GABRB2: variants seen among roughly 807,000 people sequenced by gnomAD.
GABRB2 encodes gamma-aminobutyric acid type A receptor subunit beta2, also known as gamma-aminobutyric acid receptor subunit beta-2.
In GABRB2, 16 loss-of-function variants were observed where a neutral mutation model predicts 54.7. That is an observed-to-expected ratio of 0.29 (90% CI 0.20 to 0.44). The LOEUF is 0.44. Among genes scored for constraint, GABRB2 ranks in the 20% least tolerant of loss-of-function variants. The probability of loss-of-function intolerance (pLI) is 1.00; values close to 1 mark genes in which losing one functional copy is unlikely to be tolerated. For synonymous variants in GABRB2, 244 were observed against 233.8 expected (o/e 1.04, Z -0.40); for missense variants, 355 against 644.0 (o/e 0.55, Z 4.86).
chr5:161,314,205 G>T (rs1310589134), intron 9 of GABRB2, among the ~76,000 whole-genome samples: 1 of 152,202 alleles, frequency 6.6e-6, no homozygotes, highest in Non-Finnish European at 1.5e-5. Flanking sequence ...GTGGCAGCTG[G>T]GGTTAGCAGG....
intron 5 of GABRB2, among the ~76,000 whole-genome samples, chr5:161,337,749 C>A (rs34458497): frequency 0.022 from 3,286 of 152,060 alleles, 56 homozygotes; most frequent in Non-Finnish European, 0.033. Flanking sequence ...GCCATAAAAT[C>A]CAGTGAATAT....
At chr5:161,517,330 G>C (rs1470182508) in intron 3 of GABRB2, among the ~76,000 whole-genome samples, 1 of 152,072 alleles carries the variant, frequency 6.6e-6, no homozygotes, top group Non-Finnish European at 1.5e-5. Context: ...ACTCAGATTT[G>C]AGTTTTTCTC....
chr5:161,328,371 T>C (rs1753716584), intron 8 of GABRB2, among the ~76,000 whole-genome samples: 1 of 152,188 alleles, frequency 6.6e-6, no homozygotes, highest in Admixed American at 6.5e-5. Flanking sequence ...TATCACTTCC[T>C]GAGTGCTTAC....
chr5:161,331,359 T>C (rs1214345564), intron 7 of GABRB2, among the ~76,000 whole-genome samples: 1 of 152,216 alleles, frequency 6.6e-6, no homozygotes, highest in Non-Finnish European at 1.5e-5. Context: ...TTTGTATTTA[T>C]AGTTATATAT....
intron 3 of GABRB2, among the ~76,000 whole-genome samples, chr5:161,474,064 A>C (rs1758523477): frequency 6.6e-6 from 1 of 152,114 alleles, no homozygotes; most frequent in South Asian, 2.1e-4. Flanking sequence ...AGCTATGAAG[A>C]AAGTCCCAAG....
chr5:161,381,816 G>A (rs1266377257), intron 5 of GABRB2, among the ~76,000 whole-genome samples: 1 of 152,130 alleles, frequency 6.6e-6, no homozygotes, highest in East Asian at 1.9e-4. Context: ...TATAACAAAA[G>A]ACAAACACTT....
chr5:161,548,227 T>G (rs1581077095), upstream of GABRB2: 1 of 150,730 alleles, frequency 6.6e-6, no homozygotes, highest in Non-Finnish European at 1.5e-5. Context: ...AAGCTTGGGG[T>G]GGGGAAATTG....
At chr5:161,336,950 A>G (rs1198521116) in intron 5 of GABRB2, among the ~76,000 whole-genome samples, 181 bp from the exon 6 acceptor site, 1 of 152,158 alleles carries the variant, frequency 6.6e-6, no homozygotes, top group Non-Finnish European at 1.5e-5. Context: ...ACTGTATTTA[A>G]TCCTCATGAC....
chr5:161,372,380 C>T (rs1191237263), intron 5 of GABRB2, among the ~76,000 whole-genome samples: 1 of 152,110 alleles, frequency 6.6e-6, no homozygotes, highest in Non-Finnish European at 1.5e-5. Flanking sequence ...TCCCCATCAC[C>T]CCCTTTTGTT....
intron 4 of GABRB2, among the ~76,000 whole-genome samples, chr5:161,455,676 G>T (rs981844228): frequency 1.3e-5 from 2 of 151,730 alleles, no homozygotes; most frequent in Non-Finnish European, 2.9e-5. Context: ...GGCACTACAG[G>T]CACATGCCAC....
chr5:161,456,753 C>T (rs755177371), intron 4 of GABRB2, among the ~76,000 whole-genome samples: 8 of 152,106 alleles, frequency 5.3e-5, no homozygotes, highest in African/African-American at 1.2e-4. Flanking sequence ...TGAGTACTAA[C>T]TACTGATATT....
At chr5:161,536,840 C>G (rs1299847362) in intron 3 of GABRB2, among the ~76,000 whole-genome samples, 1 of 152,062 alleles carries the variant, frequency 6.6e-6, no homozygotes, top group East Asian at 1.9e-4. Context: ...TCAGGTGATT[C>G]ACCCACCTCG....
chr5:161,311,317 T>C (rs1364583340), intron 9 of GABRB2, among the ~76,000 whole-genome samples: 2 of 152,190 alleles, frequency 1.3e-5, no homozygotes, highest in Non-Finnish European at 2.9e-5. Context: ...ATTCTATGGC[T>C]GCCAATAATA....
chr5:161,516,861 T>C (rs1000975692), intron 3 of GABRB2, among the ~76,000 whole-genome samples: 21 of 152,150 alleles, frequency 1.4e-4, no homozygotes, highest in Non-Finnish European at 2.6e-4. Context: ...AATAAAGCTC[T>C]GACCCAAGAA....
At chr5:161,306,155 A>T (rs1480591219) in intron 9 of GABRB2, among the ~76,000 whole-genome samples, 1 of 152,202 alleles carries the variant, frequency 6.6e-6, no homozygotes. Flanking sequence ...AGTAATGAGG[A>T]TGGGTTTGGA....
chr5:161,420,960 C>T (rs1223011925), intron 4 of GABRB2, among the ~76,000 whole-genome samples: 2 of 152,088 alleles, frequency 1.3e-5, no homozygotes, highest in East Asian at 1.9e-4. Flanking sequence ...GAACTTCCTC[C>T]TTTCTATCAT....
At chr5:161,455,331 A>G (rs1011673743) in intron 4 of GABRB2, among the ~76,000 whole-genome samples, 1 of 152,098 alleles carries the variant, frequency 6.6e-6, no homozygotes, top group Non-Finnish European at 1.5e-5. Context: ...TCACCCACTG[A>G]GCCACACATC....
chr5:161,463,197 C>A (rs1269438528), intron 3 of GABRB2, among the ~76,000 whole-genome samples: 1 of 151,760 alleles, frequency 6.6e-6, no homozygotes, highest in Non-Finnish European at 1.5e-5. Context: ...GATGACTATG[C>A]AAAGTAGAAA....
intron 5 of GABRB2, among the ~76,000 whole-genome samples, chr5:161,408,039 G>A (rs1756396776): frequency 6.6e-6 from 1 of 151,956 alleles, no homozygotes; most frequent in South Asian, 2.1e-4. Flanking sequence ...AGATGCTATA[G>A]AACTAAGTAC....
Sources: allele counts gnomAD v4.1 joint callset (sites outside exome capture counted in the v4.1 genomes callset), GRCh38; gene constraint gnomAD v4.1.1; transcripts MANE v1.5; gene names NCBI Gene and HGNC (gene_info 2026-07-23, HGNC 2026-07-21).